Variants in RBPJ observed in about 807,000 individuals in gnomAD.
RBPJ encodes the protein recombination signal binding protein for immunoglobulin kappa J region.
A neutral mutation model predicts 67.8 loss-of-function variants in RBPJ; 9 were observed. The observed-to-expected ratio is 0.13, with a 90% CI of 0.08 to 0.23. The LOEUF is 0.23. RBPJ is among the 10% of genes least tolerant of loss of function. The pLI is 1.00. For synonymous variants in RBPJ, 198 were observed against 203.3 expected (o/e 0.97, Z 0.22); for missense variants, 305 against 595.6 (o/e 0.51, Z 5.08).
intron 1 of RBPJ, among the ~76,000 whole-genome samples, chr4:26,247,798 A>C (rs547165499): frequency 6.6e-6 from 1 of 152,322 alleles, no homozygotes; most frequent in Non-Finnish European, 1.5e-5. Context: ...TGATATTTTA[A>C]AATATTTATT....
intron 1 of RBPJ, among the ~76,000 whole-genome samples, chr4:26,193,380 A>C (rs958791724): frequency 1.3e-5 from 2 of 152,212 alleles, no homozygotes; most frequent in South Asian, 2.1e-4. Context: ...CAGTTTTGGA[A>C]TAAGTAAAGG....
intron 1 of RBPJ, among the ~76,000 whole-genome samples, chr4:26,224,962 A>G (rs1330353758): frequency 6.6e-6 from 1 of 152,232 alleles, no homozygotes; most frequent in Non-Finnish European, 1.5e-5. Context: ...ACAAAGACTA[A>G]GGAAGGAAAG....
At chr4:26,316,416 C>CAT (rs1181276129), upstream of RBPJ, among the ~76,000 whole-genome samples, 1 of 138,212 alleles carries the variant, frequency 7.2e-6, no homozygotes, top group Non-Finnish European at 1.5e-5. Flanking sequence ...TATATACATT[C>CAT]ATATATACAT....
chr4:26,244,252 C>CATATATGTGTCTATATATGT (rs1553852695), intron 1 of RBPJ, among the ~76,000 whole-genome samples: 31 of 1,408 alleles, frequency 0.022, 4 homozygotes, highest in South Asian at 0.056. Context: ...TATGTGTACA[C>CATATATGTGTCTATATATGT]ATACACATAT....
chr4:26,226,544 C>A (rs780864330), intron 1 of RBPJ, among the ~76,000 whole-genome samples: 15 of 152,164 alleles, frequency 9.9e-5, no homozygotes, highest in Non-Finnish European at 2.2e-4. Flanking sequence ...GATGCTAACA[C>A]CCAATTTCCT....
chr4:26,203,311 AAC>A (rs1718054441), intron 1 of RBPJ, among the ~76,000 whole-genome samples: 1 of 152,160 alleles, frequency 6.6e-6, no homozygotes, highest in Non-Finnish European at 1.5e-5. Context: ...CTCTTTCCGG[AAC>A]AGTCTTTGCC....
intron 1 of RBPJ, among the ~76,000 whole-genome samples, chr4:26,311,387 A>T (rs906895962): frequency 1.3e-5 from 2 of 152,032 alleles, no homozygotes; most frequent in Admixed American, 6.5e-5. Context: ...AAATACAAAA[A>T]AATTAGCCAG....
At chr4:26,144,768 T>A in the RBPJ span, among the ~76,000 whole-genome samples, 1 of 152,244 alleles carries the variant, frequency 6.6e-6, no homozygotes, top group African/African-American at 2.4e-5. Flanking sequence ...TAGTCCCACA[T>A]GCAATGCAGT....
At chr4:26,362,018 A>C (rs11722744) in intron 1 of RBPJ, among the ~76,000 whole-genome samples, 75,703 of 151,918 alleles carry the variant, frequency 0.5, 20,074 homozygotes, top group Admixed American at 0.62. Context: ...GGATTCATTA[A>C]TAACGGCATC....
Position 26,380,190 on chromosome 4 carries a change from C to T in RBPJ, c.21-6163C>T, listed in dbSNP as rs372849876. 7.2e-5 allele frequency among the ~76,000 whole-genome samples: 11 copies of T among 152,148 alleles called. No individual in the cohort carries two copies. The East Asian group carries it at 2.1e-3, about 29-fold the overall frequency. On this transcript the variant is annotated intron_variant, in intron 1 of 10. Transcript: ENST00000355476. ...ACATATTTATTTAATAATGTATTTT[C>T]AAATATTAACCTCTTCAATCATATT...
At chr4:26,168,890 C>T (rs1161154047) in intron 1 of RBPJ, among the ~76,000 whole-genome samples, 2 of 152,226 alleles carry the variant, frequency 1.3e-5, no homozygotes, top group Admixed American at 1.3e-4. Context: ...GCATTCTTCA[C>T]GTAGTTCTCA....
intron 1 of RBPJ, among the ~76,000 whole-genome samples, chr4:26,292,555 G>A (rs1721705922): frequency 1.3e-5 from 2 of 150,212 alleles, no homozygotes; most frequent in Admixed American, 6.6e-5. Flanking sequence ...CGAGTAGCTG[G>A]GATTACAGCC....
the RBPJ span, among the ~76,000 whole-genome samples, chr4:26,151,873 C>T: frequency 5.9e-5 from 9 of 152,236 alleles, no homozygotes; most frequent in Non-Finnish European, 8.8e-5. Context: ...AAAGGTGGGT[C>T]GGCAGCCAAT....
At chr4:26,362,670 A>G in intron 1 of RBPJ, 9 of 1,492,012 alleles carry the variant, frequency 6.0e-6, no homozygotes, top group Non-Finnish European at 5.6e-6. Flanking sequence ...GGTCATGGAT[A>G]GAATGAACAC....
At chr4:26,205,893 TA>T (rs1006970825) in intron 1 of RBPJ, among the ~76,000 whole-genome samples, 3 of 151,604 alleles carry the variant, frequency 2.0e-5, no homozygotes, top group African/African-American at 7.3e-5. Context: ...ACACCCAGCC[TA>T]AAAAAATTTT....
intron 1 of RBPJ, among the ~76,000 whole-genome samples, chr4:26,328,836 C>T (rs1306788809): frequency 6.6e-6 from 1 of 152,076 alleles, no homozygotes; most frequent in African/African-American, 2.4e-5. Context: ...TTTTTTTGTA[C>T]AGACAGCCTT....
intron 1 of RBPJ, among the ~76,000 whole-genome samples, chr4:26,365,714 C>G (rs1728553950): frequency 6.6e-6 from 1 of 152,116 alleles, no homozygotes; most frequent in African/African-American, 2.4e-5. Context: ...AGGAAGTGAC[C>G]AGCATAAGTT....
the RBPJ span, among the ~76,000 whole-genome samples, chr4:26,118,782 A>G: frequency 1.1e-4 from 17 of 152,232 alleles, no homozygotes; most frequent in African/African-American, 3.6e-4. Flanking sequence ...ATATCCTTCT[A>G]AACTTCCAAC....
upstream of RBPJ, among the ~76,000 whole-genome samples, chr4:26,316,278 C>G (rs941210398): frequency 3.4e-5 from 5 of 148,028 alleles, no homozygotes; most frequent in African/African-American, 1.2e-4. Context: ...TATATATACA[C>G]ATTCATATAT....
Sources: allele counts gnomAD v4.1 joint callset (sites outside exome capture counted in the v4.1 genomes callset), GRCh38; gene constraint gnomAD v4.1.1; transcripts MANE v1.5; gene names NCBI Gene and HGNC (gene_info 2026-07-23, HGNC 2026-07-21).